The following SYN2 variants were observed in gnomAD, a reference collection of about 807,000 sequenced individuals.
The protein encoded by SYN2 is synapsin II, also known as synapsin-2.
In SYN2, 19 loss-of-function variants were observed where a neutral mutation model predicts 50.9. The ratio of observed to expected loss-of-function variants is 0.37; its 90% confidence interval spans 0.26 to 0.55. The LOEUF is 0.55. SYN2 is among the 20% of genes least tolerant of loss of function. The pLI, the probability that SYN2 is intolerant of heterozygous loss-of-function variation, is 0.81. For missense variants in SYN2, 587 were observed against 576.4 expected (o/e 1.02, Z -0.19); for synonymous variants, 255 against 224.9 (o/e 1.13, Z -1.20).
intron 1 of SYN2, among the ~76,000 whole-genome samples, chr3:12,012,940 A>T (rs569200395): frequency 2.2e-4 from 34 of 152,224 alleles, no homozygotes; most frequent in Non-Finnish European, 4.0e-4. Flanking sequence ...CTCGTTACTT[A>T]TCCAGTTATT....
rs186273838 is a variant in SYN2 at position 12,093,818 on chromosome 3, C to T, written c.378-46833C>T. ...CATCTCTATCCCCTGACTGCCTTTT[C>T]TCCTTTCTCTAAAAGTCTTATAAGA... On this transcript the variant is annotated intron_variant, in intron 1 of 12. Coordinates refer to ENST00000621198, the MANE Select transcript of SYN2 (RefSeq NM_133625.6). Among the ~76,000 whole-genome samples, 877 of 151,696 alleles carry T rather than the reference C, an allele frequency of 5.8e-3. 7 individuals are homozygous for T. Among genetic ancestry groups the T allele is most frequent in the Middle Eastern group, 0.01 (3 of 288 alleles).
chr3:12,083,344 T>C (rs1695620872), intron 1 of SYN2, among the ~76,000 whole-genome samples: 1 of 152,212 alleles, frequency 6.6e-6, no homozygotes, highest in Non-Finnish European at 1.5e-5. Context: ...TGGAGACAGC[T>C]CTATTTTTTA....
intron 1 of SYN2, among the ~76,000 whole-genome samples, chr3:12,126,787 G>T (rs1420160677): frequency 6.6e-6 from 1 of 152,172 alleles, no homozygotes; most frequent in African/African-American, 2.4e-5. Flanking sequence ...GTATAAAGTG[G>T]TTAGCACAGG....
intron 1 of SYN2, among the ~76,000 whole-genome samples, chr3:12,028,288 C>T (rs145477558): frequency 0.09 from 13,581 of 151,620 alleles, 2,006 homozygotes; most frequent in African/African-American, 0.31. Flanking sequence ...TTGGACATTT[C>T]GGTTGGTTCC....
chr3:12,132,515 A>G (rs1696817156), intron 1 of SYN2, among the ~76,000 whole-genome samples: 1 of 152,108 alleles, frequency 6.6e-6, no homozygotes, highest in Non-Finnish European at 1.5e-5. Context: ...AGGGTCACTC[A>G]GTGTTTGTTT....
intron 10 of SYN2, among the ~76,000 whole-genome samples, chr3:12,181,101 A>G (rs1383803729): frequency 6.6e-6 from 1 of 152,246 alleles, no homozygotes; most frequent in African/African-American, 2.4e-5. Context: ...CACTATTTTT[A>G]CAAAAGAAAG....
intron 5 of SYN2, among the ~76,000 whole-genome samples, chr3:12,158,009 C>A (rs1200137555): frequency 1.3e-5 from 2 of 152,202 alleles, no homozygotes; most frequent in African/African-American, 4.8e-5. Context: ...CCTGGCCTTG[C>A]ACTAGGCACT....
chr3:12,094,098 G>A (rs9784268), intron 1 of SYN2, among the ~76,000 whole-genome samples: 2,268 of 152,064 alleles, frequency 0.015, 50 homozygotes, highest in African/African-American at 0.052. Flanking sequence ...CAGGTGATCC[G>A]CCCACCTCAA....
chr3:12,183,941 G>T (rs1698283871), intron 11 of SYN2: 1 of 991,538 alleles, frequency 1.0e-6, no homozygotes, highest in South Asian at 4.6e-5. Context: ...CTTTCTTTCT[G>T]CATGACTATT....
At chr3:12,080,374 A>T (rs1559411824) in intron 1 of SYN2, among the ~76,000 whole-genome samples, 1 of 150,378 alleles carries the variant, frequency 6.6e-6, no homozygotes, top group Non-Finnish European at 1.5e-5. Flanking sequence ...TTGGTTCTCT[A>T]GTTCTGTTAG....
Position 12,149,400 on chromosome 3 carries a change from T to C in SYN2, c.685-1837T>C, listed in dbSNP as rs73141703. 7.6e-3 allele frequency among the ~76,000 whole-genome samples: 1,153 copies of C among 152,242 alleles called. 9 individuals are homozygous for C. Among genetic ancestry groups the C allele is most frequent in the African/African-American group, 0.026 (1,085 of 41,528 alleles). ...AGGTCAGATGAGCAGGTGTGGAGAA[T>C]CAGAGAAGGCAGGAAAGGTCTGAGG... On this transcript the variant is annotated intron_variant, in intron 4 of 12. Transcript: ENST00000621198.
At chr3:12,170,038 C>T (rs1286890781) in intron 10 of SYN2, 132 bp downstream of exon 10, 9 of 1,163,174 alleles carry the variant, frequency 7.7e-6, no homozygotes, top group Non-Finnish European at 1.0e-5. Flanking sequence ...GAGACATCTC[C>T]CTCTTCCTTC....
At chr3:12,147,803 A>G (rs890183105) in intron 4 of SYN2, among the ~76,000 whole-genome samples, 2 of 152,118 alleles carry the variant, frequency 1.3e-5, no homozygotes, top group African/African-American at 4.8e-5. Context: ...ACAGGCTCCT[A>G]GTGTATGGGT....
chr3:12,144,031 A>G (rs1697088491), intron 3 of SYN2, among the ~76,000 whole-genome samples: 1 of 152,200 alleles, frequency 6.6e-6, no homozygotes, highest in African/African-American at 2.4e-5. Context: ...TGGGCAGAGA[A>G]CCAAGTAGGT....
chr3:12,120,474 C>A lies in SYN2; in HGVS notation c.378-20177C>A, dbSNP rs372700073. Among the ~76,000 whole-genome samples the A allele has an allele frequency of 1.8e-4, 28 of 152,196 alleles. No homozygotes were observed. In the East Asian group the frequency reaches 2.7e-3, roughly 15 times the overall value. ...GCTTGCCTTAGCCTTTGTTCTGTTC[C>A]CAGTTTTTGTGGTGCCAAGAAGGAT... On this transcript the variant is annotated intron_variant, in intron 1 of 12. Transcript: ENST00000621198.
chr3:12,038,989 C>T (rs1396526791), intron 1 of SYN2, among the ~76,000 whole-genome samples: 1 of 152,070 alleles, frequency 6.6e-6, no homozygotes, highest in Non-Finnish European at 1.5e-5. Flanking sequence ...TTTTATTCCT[C>T]ATTTTTGGGG....
At position 12,184,712 on chromosome 3, in the gene SYN2, T is replaced by G. The variant is rs1458478565; in HGVS notation, c.1369+1340T>G. On this transcript the variant is annotated intron_variant, in intron 11 of 12. Transcript: ENST00000621198. ...TTGAGGAATCCTCACCAGTTTGTTC[T>G]CTTCCCTCTGACAAGCAGCACCTGA... The G allele has an allele frequency of 4.1e-6, 4 of 985,918 alleles. No individual in the cohort carries two copies. In the African/African-American group the frequency reaches 7.0e-5, roughly 17 times the overall value. 61.1% of individuals were successfully genotyped at this position (985,918 alleles called of 1,614,324 possible). A position where few individuals can be genotyped will look rare whatever the true frequency, so the allele number is the denominator to read the frequency against.
At chr3:12,140,573 C>G in intron 1 of SYN2, 78 bp from the exon 2 acceptor site, 1 of 717,382 alleles carries the variant, frequency 1.4e-6, no homozygotes, top group Non-Finnish European at 2.6e-6. Flanking sequence ...TGCTGTGGTC[C>G]TCTTCTTTGT....
intron 1 of SYN2, among the ~76,000 whole-genome samples, chr3:12,098,515 A>T (rs1302481581): frequency 6.6e-6 from 1 of 152,146 alleles, no homozygotes; most frequent in African/African-American, 2.4e-5. Context: ...TTACAAATTA[A>T]TATGTTAATT....
Sources: gnomAD v4.1 joint callset for allele counts (sites outside exome capture counted in the v4.1 genomes callset) on GRCh38, gnomAD v4.1.1 for gene constraint, MANE v1.5 for transcripts, NCBI Gene and HGNC (gene_info 2026-07-23, HGNC 2026-07-21) for gene names.